The following FAF1 variants were observed in gnomAD, a reference collection of about 807,000 sequenced individuals.
FAF1 encodes Fas associated factor 1.
A neutral mutation model predicts 92.5 loss-of-function variants in FAF1; 25 were observed. The ratio of observed to expected loss-of-function variants is 0.27; its 90% CI spans 0.20 to 0.38. The LOEUF (loss-of-function observed/expected upper bound fraction) is 0.38. Among genes scored for constraint, FAF1 ranks in the 10% least tolerant of loss-of-function variants. The probability of loss-of-function intolerance (pLI) is 1.00; values close to 1 mark genes in which losing one functional copy is unlikely to be tolerated. For synonymous variants in FAF1, 234 were observed against 273.2 expected (o/e 0.86, Z 1.42); for missense variants, 636 against 793.3 (o/e 0.80, Z 2.38).
intron 1 of FAF1, among the ~76,000 whole-genome samples, chr1:50,875,400 A>G (rs1216337736): frequency 6.6e-6 from 1 of 152,118 alleles, no homozygotes; most frequent in Non-Finnish European, 1.5e-5. Flanking sequence ...TTTTGGTGAG[A>G]ACACCTACAA....
chr1:50,800,279 G>A (rs574437092), intron 3 of FAF1, among the ~76,000 whole-genome samples: 204 of 152,284 alleles, frequency 1.3e-3, no homozygotes, highest in African/African-American at 4.7e-3. Context: ...TATGTACTCA[G>A]AATCCAGTAG....
intron 7 of FAF1, among the ~76,000 whole-genome samples, chr1:50,666,044 G>T (rs564635560): frequency 6.6e-6 from 1 of 151,730 alleles, no homozygotes; most frequent in Admixed American, 6.6e-5. Context: ...AGGCGTGGTG[G>T]TGCATCCTGT....
intron 1 of FAF1, among the ~76,000 whole-genome samples, chr1:50,942,020 C>T (rs1256666059): frequency 6.6e-6 from 1 of 152,202 alleles, no homozygotes; most frequent in Non-Finnish European, 1.5e-5. Context: ...ACTTTGTAGT[C>T]GAACAAATCT....
chr1:50,698,086 G>C (rs1657309514), intron 7 of FAF1, among the ~76,000 whole-genome samples: 1 of 151,914 alleles, frequency 6.6e-6, no homozygotes, highest in Non-Finnish European at 1.5e-5. Context: ...GCCAAGTCTT[G>C]GTCCAGCTTA....
chr1:50,766,040 C>T (rs1299416219), intron 4 of FAF1, among the ~76,000 whole-genome samples: 2 of 151,888 alleles, frequency 1.3e-5, no homozygotes, highest in South Asian at 2.1e-4. Flanking sequence ...TGCAGTGAGC[C>T]GAGATCGCGC....
At chr1:50,884,421 G>A (rs780428255) in intron 1 of FAF1, among the ~76,000 whole-genome samples, 15 of 151,510 alleles carry the variant, frequency 9.9e-5, no homozygotes, top group Non-Finnish European at 1.6e-4. Context: ...CCAGCTACTC[G>A]CGATGCTGAG....
At chr1:50,573,527 T>A (rs1650555704) in intron 12 of FAF1, among the ~76,000 whole-genome samples, 1 of 152,206 alleles carries the variant, frequency 6.6e-6, no homozygotes, top group South Asian at 2.1e-4. Flanking sequence ...TCCAAGCTAG[T>A]TATCTTTAAA....
chr1:50,490,073 T>C (rs1364665981), intron 17 of FAF1, among the ~76,000 whole-genome samples: 1 of 152,116 alleles, frequency 6.6e-6, no homozygotes, highest in East Asian at 1.9e-4. Context: ...TATTAACAGT[T>C]TTGCAGCTGG....
intron 13 of FAF1, among the ~76,000 whole-genome samples, chr1:50,554,147 T>C (rs748809889): frequency 1.3e-4 from 20 of 150,302 alleles, no homozygotes; most frequent in Admixed American, 4.0e-4. Flanking sequence ...TAGATAATTA[T>C]CTAGTACATT....
chr1:50,502,462 A>G (rs550725162), intron 15 of FAF1, among the ~76,000 whole-genome samples: 16 of 152,344 alleles, frequency 1.1e-4, no homozygotes, highest in Admixed American at 1.0e-3. Context: ...AAAGACTGAC[A>G]GTCTTTTCAC....
rs375293580 is a variant in FAF1 at position 50,774,171 on chromosome 1, T to C, written c.367+13829A>G. ...CTACTAACACACAACATTTGCTGTC[T>C]TTCTTCCCCCAAAATACAAGCTATA... On this transcript the variant is annotated intron_variant, in intron 4 of 18. Transcript: ENST00000396153. 2.6e-5 allele frequency among the ~76,000 whole-genome samples: 4 copies of C among 152,322 alleles called. No homozygotes were observed. The East Asian group carries it at 7.7e-4, about 29-fold the overall frequency.
At chr1:50,490,400 GA>G (rs1646818439) in intron 17 of FAF1, among the ~76,000 whole-genome samples, 187 bp downstream of exon 17, 2 of 52,436 alleles carry the variant, frequency 3.8e-5, no homozygotes, top group Non-Finnish European at 9.8e-5. Flanking sequence ...AGGAAGGAAG[GA>G]AGGAAGGAAG....
intron 1 of FAF1, among the ~76,000 whole-genome samples, chr1:50,901,745 G>A (rs1644798563): frequency 6.6e-6 from 1 of 151,886 alleles, no homozygotes; most frequent in Non-Finnish European, 1.5e-5. Flanking sequence ...CATGCTTGAG[G>A]TCCCAGCTAC....
rs1263986602 is a variant in FAF1, at chr1:50,572,976, C to T, written c.1114-5745G>A. On this transcript the variant is annotated intron_variant, in intron 12 of 18. Coordinates refer to ENST00000396153, the MANE Select transcript of FAF1 (RefSeq NM_007051.3). ...GGCCTCCCAAAATGCTGGGATTACA[C>T]ACCTGGCCTGCGAAGGTGATACTTG... Among the ~76,000 whole-genome samples, 4 of 151,804 alleles carry T rather than the reference C, an allele frequency of 2.6e-5. No individual in the cohort carries two copies. The East Asian group carries it at 7.8e-4, about 30-fold the overall frequency.
chr1:50,775,717 T>C (rs1660932910), intron 4 of FAF1, among the ~76,000 whole-genome samples: 1 of 151,894 alleles, frequency 6.6e-6, no homozygotes. Flanking sequence ...GGAATTATCT[T>C]AATTAATCAA....
chr1:50,603,945 C>T (rs1652263037), intron 8 of FAF1, among the ~76,000 whole-genome samples: 1 of 152,306 alleles, frequency 6.6e-6, no homozygotes, highest in East Asian at 1.9e-4. Context: ...TCTGCCTGGC[C>T]TTGCTGCGTT....
At chr1:50,947,000 A>G (rs1645176764) in intron 1 of FAF1, among the ~76,000 whole-genome samples, 1 of 152,214 alleles carries the variant, frequency 6.6e-6, no homozygotes, top group Non-Finnish European at 1.5e-5. Flanking sequence ...ATATACAGAA[A>G]TCATTCATGG....
chr1:50,778,606 T>C (rs1464036592), intron 4 of FAF1, among the ~76,000 whole-genome samples: 3 of 152,170 alleles, frequency 2.0e-5, no homozygotes, highest in African/African-American at 7.2e-5. Context: ...ATCCAAAATA[T>C]ATTTACTATT....
chr1:50,859,502 T>TTTACAATAGCCAC (rs1644415640), intron 1 of FAF1, among the ~76,000 whole-genome samples: 1 of 151,818 alleles, frequency 6.6e-6, no homozygotes, highest in Non-Finnish European at 1.5e-5. Context: ...TATAATCCCA[T>TTTACAATAGCCAC]TTACAATAGC....
Sources: gnomAD v4.1 joint callset for allele counts (sites outside exome capture counted in the v4.1 genomes callset) on GRCh38, gnomAD v4.1.1 for gene constraint, MANE v1.5 for transcripts, NCBI Gene and HGNC (gene_info 2026-07-23, HGNC 2026-07-21) for gene names.